PID1: variants seen among roughly 807,000 people sequenced by gnomAD.
PID1 encodes phosphotyrosine interaction domain containing 1.
PID1 carries 10 observed loss-of-function variants against 19.1 expected under a neutral mutation model. That is an observed-to-expected ratio of 0.52 (90% CI 0.32 to 0.89). PID1 has a LOEUF of 0.89. PID1 is among the 40% of genes least tolerant of loss of function. The pLI is 0.03. For missense variants in PID1, 248 were observed against 285.3 expected, an observed-to-expected ratio of 0.87 and a Z score of 0.94; for synonymous variants, 130 against 116.0, an observed-to-expected ratio of 1.12 and a Z score of -0.78.
intron 2 of PID1, among the ~76,000 whole-genome samples, chr2:229,043,387 G>T (rs188269076): frequency 6.6e-6 from 1 of 152,062 alleles, no homozygotes; most frequent in Non-Finnish European, 1.5e-5. Flanking sequence ...AGAGGCTTAT[G>T]GATTGTAATT....
rs60513006 is a variant in PID1, at chr2:229,134,231, G to GTTTTTTTTTT, written c.177+21577_177+21586dup. Among the ~76,000 whole-genome samples the GTTTTTTTTTT allele has an allele frequency of 4.6e-3, 499 of 109,102 alleles. 24 individuals carry two copies. Among genetic ancestry groups the GTTTTTTTTTT allele is most frequent in the African/African-American group, 0.016 (447 of 27,786 alleles). The allele number at this position is 109,102 out of a possible 152,430, so 71.6% of individuals were successfully genotyped here. A position where few individuals can be genotyped will look rare whatever the true frequency, so the allele number is the denominator to read the frequency against. ...TTCAATAACAATGTTTACTACCTGT[G>GTTTTTTTTTT]TTTTTTTTTTTTTTTTTTTTTGAGA... On this transcript the variant is annotated intron_variant, in intron 2 of 2. Coordinates refer to ENST00000392055, the MANE Select transcript of PID1 (RefSeq NM_001100818.2).
At position 229,184,122 on chromosome 2, in the gene PID1, A is replaced by G. The variant is rs1372431770; in HGVS notation, c.31-28158T>C. Among the ~76,000 whole-genome samples, 3 of 19,380 alleles carry G rather than the reference A, an allele frequency of 1.5e-4. 1 individual carries two copies. The highest frequency in any genetic ancestry group is 4.4e-4 in the African/African-American group (1 of 2,276). 12.7% of individuals were successfully genotyped at this position (19,380 alleles called of 152,430 possible). A position where few individuals can be genotyped will look rare whatever the true frequency, so the allele number is the denominator to read the frequency against. On this transcript the variant is annotated intron_variant, in intron 1 of 2. Coordinates refer to ENST00000392055, the MANE Select transcript of PID1 (RefSeq NM_001100818.2). ...TATGTATATCCCATATGTATATCCC[A>G]TATGTATATCCCATATGTATATCCC... is the stretch of plus-strand genomic sequence containing the variant.
intron 1 of PID1, among the ~76,000 whole-genome samples, chr2:229,253,973 C>T (rs1690222361): frequency 6.6e-6 from 1 of 152,186 alleles, no homozygotes; most frequent in East Asian, 1.9e-4. Context: ...AGAGCCACTA[C>T]CAGGGTCTGG....
intron 1 of PID1, among the ~76,000 whole-genome samples, chr2:229,172,215 C>T (rs1469644251): frequency 1.3e-5 from 2 of 152,190 alleles, no homozygotes; most frequent in Admixed American, 1.3e-4. Flanking sequence ...TCTCTACCCT[C>T]CTCCAAATAG....
At chr2:229,178,538 T>C (rs1213991841) in intron 1 of PID1, among the ~76,000 whole-genome samples, 2 of 152,240 alleles carry the variant, frequency 1.3e-5, no homozygotes, top group East Asian at 3.8e-4. Flanking sequence ...ATCTTGATTG[T>C]AGTCTTTCTC....
At chr2:229,055,861 G>A (rs1192311325) in intron 2 of PID1, among the ~76,000 whole-genome samples, 1 of 152,104 alleles carries the variant, frequency 6.6e-6, no homozygotes, top group Non-Finnish European at 1.5e-5. Flanking sequence ...CGTCCACATA[G>A]GGCATTATAC....
At chr2:229,122,208 C>T (rs1024202967) in intron 2 of PID1, among the ~76,000 whole-genome samples, 1 of 152,164 alleles carries the variant, frequency 6.6e-6, no homozygotes, top group Non-Finnish European at 1.5e-5. Context: ...TAGTTCAGGT[C>T]TCTTTTGTAA....
At chr2:229,044,170 C>T (rs1372338937) in intron 2 of PID1, among the ~76,000 whole-genome samples, 1 of 152,072 alleles carries the variant, frequency 6.6e-6, no homozygotes, top group Non-Finnish European at 1.5e-5. Context: ...TTGACTTTTT[C>T]GACTGTGCTT....
intron 1 of PID1, among the ~76,000 whole-genome samples, chr2:229,268,922 C>G (rs1690663828): frequency 6.6e-6 from 1 of 152,138 alleles, no homozygotes; most frequent in Non-Finnish European, 1.5e-5. Flanking sequence ...CTCACCATCT[C>G]ATCCTCAACA....
intron 2 of PID1, among the ~76,000 whole-genome samples, chr2:229,029,022 T>C (rs1260952981): frequency 1.3e-5 from 2 of 151,862 alleles, no homozygotes; most frequent in Non-Finnish European, 2.9e-5. Context: ...GGAGTAAACA[T>C]TGAGAACACA....
intron 2 of PID1, among the ~76,000 whole-genome samples, chr2:229,130,180 T>G (rs750159412): frequency 6.6e-6 from 1 of 152,210 alleles, no homozygotes; most frequent in African/African-American, 2.4e-5. Flanking sequence ...CAACTTTGAC[T>G]AACTCTCTGT....
chr2:229,124,042 T>C (rs1272630013), intron 2 of PID1, among the ~76,000 whole-genome samples: 2 of 152,192 alleles, frequency 1.3e-5, no homozygotes, highest in African/African-American at 2.4e-5. Flanking sequence ...GGTTCTGCTA[T>C]ATGTTAAAAT....
At chr2:229,232,018 C>T in intron 1 of PID1, 1 of 1,549,980 alleles carries the variant, frequency 6.5e-7, no homozygotes, top group Non-Finnish European at 8.7e-7. Context: ...AATGCTGTGT[C>T]CTCACACAGT....
intron 2 of PID1, among the ~76,000 whole-genome samples, chr2:229,135,133 G>A (rs1689833761): frequency 6.6e-6 from 1 of 152,110 alleles, no homozygotes; most frequent in African/African-American, 2.4e-5. Context: ...AAGTGGAAGG[G>A]TCTTGTCTCA....
At chr2:229,121,938 G>A (rs989849572) in intron 2 of PID1, among the ~76,000 whole-genome samples, 2 of 152,134 alleles carry the variant, frequency 1.3e-5, no homozygotes, top group African/African-American at 2.4e-5. Context: ...AAGAGATTGG[G>A]AGTAATAGGG....
chr2:229,062,190 T>C (rs1030327537), intron 2 of PID1, among the ~76,000 whole-genome samples: 2 of 152,028 alleles, frequency 1.3e-5, no homozygotes, highest in African/African-American at 2.4e-5. Flanking sequence ...AAAGGTTTCA[T>C]CTTTTCACTG....
rs17675980 is a variant in PID1 at position 229,092,562 on chromosome 2, A to G, written c.177+63256T>C. ...AGTATGTCCAGTTTCTCACTCAACT[A>G]AACTACTAGGGACTGTGCATGATGA... On this transcript the variant is annotated intron_variant, in intron 2 of 2. Coordinates refer to ENST00000392055, the MANE Select transcript of PID1 (RefSeq NM_001100818.2). Among the ~76,000 whole-genome samples the G allele has an allele frequency of 2.1e-3, 314 of 152,246 alleles. 10 individuals carry two copies. The East Asian group carries it at 0.051, about 25-fold the overall frequency.
chr2:229,173,720 G>C (rs1690756259), intron 1 of PID1, among the ~76,000 whole-genome samples: 1 of 152,160 alleles, frequency 6.6e-6, no homozygotes, highest in Non-Finnish European at 1.5e-5. Context: ...GGTAGTATCA[G>C]TGCTCTTCCC....
In PID1 at chr2:229,262,649, G is replaced by C. The variant is rs187287695; in HGVS notation, c.30+8365C>G. The C allele has an allele frequency of 6.5e-6, 10 of 1,548,314 alleles. No individual in the cohort carries two copies. In the African/African-American group the frequency reaches 1.1e-4, roughly 17 times the overall value. ...TGTTGTAACAAATAACCATAAACTG[G>C]GTAGCTTAAAACAACAGAAATTTAA... On this transcript the variant is annotated intron_variant, in intron 1 of 2. Coordinates refer to ENST00000392055, the MANE Select transcript of PID1 (RefSeq NM_001100818.2).
Sources: gnomAD v4.1 joint callset for allele counts (sites outside exome capture counted in the v4.1 genomes callset) on GRCh38, gnomAD v4.1.1 for gene constraint, MANE v1.5 for transcripts, NCBI Gene and HGNC (gene_info 2026-07-23, HGNC 2026-07-21) for gene names.